PLD5: variants seen among roughly 807,000 people sequenced by gnomAD.
The protein encoded by PLD5 is phospholipase D family member 5, also known as inactive phospholipase D5.
In PLD5, 36 loss-of-function variants were observed where a neutral mutation model predicts 61.1. The ratio of observed to expected loss-of-function variants is 0.59; its 90% CI spans 0.45 to 0.78. The LOEUF is 0.78. Ranked by LOEUF, PLD5 falls within the 30% of genes least tolerant of loss-of-function variation. The pLI, the probability that PLD5 is intolerant of heterozygous loss-of-function variation, is 0.00. For synonymous variants in PLD5, 243 were observed against 242.8 expected (o/e 1.00, Z -0.01); for missense variants, 515 against 644.4 (o/e 0.80, Z 2.17).
chr1:242,255,053 T>TG (rs1672937422), intron 4 of PLD5, among the ~76,000 whole-genome samples: 1 of 152,120 alleles, frequency 6.6e-6, no homozygotes, highest in Non-Finnish European at 1.5e-5. Flanking sequence ...TGGAAAAGCA[T>TG]GCCGGGGTGA....
chr1:242,207,920 A>ATATTTATATATTTATATATT (rs1200567997), intron 5 of PLD5, among the ~76,000 whole-genome samples: 3 of 9,652 alleles, frequency 3.1e-4, no homozygotes, highest in Admixed American at 2.0e-3. Flanking sequence ...ATATTTATAT[A>ATATTTATATATTTATATATT]TTTATATATA....
At chr1:242,377,582 C>A in intron 1 of PLD5, 1 of 480,786 alleles carries the variant, frequency 2.1e-6, no homozygotes, top group East Asian at 3.3e-5. Context: ...GACCCTGGTC[C>A]CAGTACAACC....
intron 1 of PLD5, among the ~76,000 whole-genome samples, chr1:242,501,151 C>T (rs6695369): frequency 0.023 from 3,541 of 152,228 alleles, 141 homozygotes; most frequent in African/African-American, 0.082. Flanking sequence ...GACTCACTAG[C>T]ACTGAACTGA....
At chr1:242,290,949 C>T (rs578117266) in intron 2 of PLD5, among the ~76,000 whole-genome samples, 2 of 152,230 alleles carry the variant, frequency 1.3e-5, no homozygotes, top group East Asian at 1.9e-4. Context: ...TCCTATGGAC[C>T]TCCCCACTGT....
intron 2 of PLD5, among the ~76,000 whole-genome samples, chr1:242,332,463 T>C (rs1343815674): frequency 6.6e-6 from 1 of 152,164 alleles, no homozygotes; most frequent in African/African-American, 2.4e-5. Flanking sequence ...TGCCACACTG[T>C]CTTCCATAAT....
At chr1:242,378,684 T>C (rs1463787397) in intron 1 of PLD5, among the ~76,000 whole-genome samples, 1 of 151,784 alleles carries the variant, frequency 6.6e-6, no homozygotes, top group Non-Finnish European at 1.5e-5. Flanking sequence ...CTACAAAAAA[T>C]ACAAAAATTA....
At chr1:242,120,593 A>G (rs902694403) in intron 6 of PLD5, among the ~76,000 whole-genome samples, 1 of 152,230 alleles carries the variant, frequency 6.6e-6, no homozygotes, top group Admixed American at 6.5e-5. Context: ...ATCAAGTTCT[A>G]TTTAATGTCA....
At chr1:242,281,584 G>T (rs553077125) in intron 3 of PLD5, among the ~76,000 whole-genome samples, 1 of 152,248 alleles carries the variant, frequency 6.6e-6, no homozygotes, top group African/African-American at 2.4e-5. Flanking sequence ...AAATGATAGT[G>T]TTCTAAGATC....
intron 5 of PLD5, among the ~76,000 whole-genome samples, chr1:242,213,593 A>G (rs896175887): frequency 7.9e-5 from 12 of 151,966 alleles, no homozygotes; most frequent in African/African-American, 1.9e-4. Flanking sequence ...AGGCATATCA[A>G]CTGGCTCTGC....
chr1:242,145,592 G>A (rs1664490453), intron 5 of PLD5, among the ~76,000 whole-genome samples: 1 of 152,094 alleles, frequency 6.6e-6, no homozygotes, highest in Non-Finnish European at 1.5e-5. Flanking sequence ...TAGATGATAA[G>A]AACTTTTTTT....
At chr1:242,494,648 T>G (rs908374856) in intron 1 of PLD5, among the ~76,000 whole-genome samples, 1 of 152,170 alleles carries the variant, frequency 6.6e-6, no homozygotes, top group African/African-American at 2.4e-5. Flanking sequence ...CCAAGGTTTA[T>G]TTTATGTTCC....
At chr1:242,423,635 T>A (rs1047862061) in intron 1 of PLD5, among the ~76,000 whole-genome samples, 4 of 152,078 alleles carry the variant, frequency 2.6e-5, no homozygotes, top group African/African-American at 7.2e-5. Context: ...GACCCCGTCT[T>A]TATTTAAAAA....
chr1:242,159,925 T>C (rs1219662923), intron 5 of PLD5, among the ~76,000 whole-genome samples: 1 of 152,212 alleles, frequency 6.6e-6, no homozygotes, highest in Non-Finnish European at 1.5e-5. Flanking sequence ...TGTGTCTATA[T>C]TCCAGAGAGG....
At chr1:242,503,534 C>A (rs1474575289) in intron 1 of PLD5, among the ~76,000 whole-genome samples, 1 of 152,218 alleles carries the variant, frequency 6.6e-6, no homozygotes, top group Non-Finnish European at 1.5e-5. Context: ...CACCCCTCCA[C>A]TTCCTTGAAG....
At chr1:242,220,567 C>T (rs1280405188) in intron 4 of PLD5, among the ~76,000 whole-genome samples, 1 of 152,082 alleles carries the variant, frequency 6.6e-6, no homozygotes, top group East Asian at 1.9e-4. Context: ...CTCAATAAGA[C>T]GTTGGCCTCA....
chr1:242,114,602 C>G (rs1426448049), intron 6 of PLD5, among the ~76,000 whole-genome samples: 1 of 152,226 alleles, frequency 6.6e-6, no homozygotes, highest in Non-Finnish European at 1.5e-5. Context: ...ACAGCCGCTC[C>G]CCCTTGCTCG....
chr1:242,502,892 C>T (rs1344888296), intron 1 of PLD5, among the ~76,000 whole-genome samples: 3 of 152,088 alleles, frequency 2.0e-5, no homozygotes, highest in Non-Finnish European at 4.4e-5. Flanking sequence ...AAAACCCTGT[C>T]TCTACTAAAA....
intron 1 of PLD5, among the ~76,000 whole-genome samples, chr1:242,371,973 C>T (rs894505400): frequency 2.6e-5 from 4 of 151,820 alleles, no homozygotes; most frequent in East Asian, 1.9e-4. Context: ...CTCATCAACC[C>T]GTCATCTATA....
intron 5 of PLD5, among the ~76,000 whole-genome samples, chr1:242,130,638 C>T (rs1176668958): frequency 3.3e-5 from 5 of 152,112 alleles, no homozygotes; most frequent in Non-Finnish European, 7.3e-5. Flanking sequence ...AAATAGTTAT[C>T]TGAGGACTTG....
Sources: gnomAD v4.1 joint callset for allele counts (sites outside exome capture counted in the v4.1 genomes callset) on GRCh38, gnomAD v4.1.1 for gene constraint, MANE v1.5 for transcripts, NCBI Gene and HGNC (gene_info 2026-07-23, HGNC 2026-07-21) for gene names.